Variants in WDR27 observed in about 807,000 individuals in gnomAD.
WDR27 encodes WD repeat-containing protein 27.
In WDR27, 100 loss-of-function variants were observed where a neutral mutation model predicts 114.4. The observed-to-expected ratio is 0.87, with a 90% confidence interval of 0.74 to 1.03. WDR27 has a LOEUF of 1.03. WDR27 is among the 50% of genes least tolerant of loss of function. The pLI is 0.00. For synonymous variants in WDR27, 449 were observed against 423.1 expected, an observed-to-expected ratio of 1.06 and a Z score of -0.75; for missense variants, 1,129 against 1,092.9, an observed-to-expected ratio of 1.03 and a Z score of -0.47.
intron 2 of WDR27, among the ~76,000 whole-genome samples, chr6:169,687,387 GAA>G (rs899661903): frequency 2.0e-4 from 31 of 151,768 alleles, no homozygotes; most frequent in African/African-American, 7.2e-4. Context: ...CAAATCAATA[GAA>G]AAAAGACAGA....
chr6:169,512,815 C>T (rs924650472), intron 25 of WDR27, among the ~76,000 whole-genome samples: 1 of 152,080 alleles, frequency 6.6e-6, no homozygotes, highest in African/African-American at 2.4e-5. Context: ...AAAAATAGTT[C>T]ATGGCTAGTA....
chr6:169,651,363 G>C (rs562379542), intron 14 of WDR27, among the ~76,000 whole-genome samples: 1 of 152,024 alleles, frequency 6.6e-6, no homozygotes, highest in Admixed American at 6.6e-5. Context: ...GGTAGGAGGC[G>C]GGGGATATGT....
rs751889898 is a variant in WDR27 at position 169,633,037 on chromosome 6, G to A, written c.2133C>T (p.Thr711=). Residue 711 remains threonine (T), a synonymous_variant, in exon 21 of 26, where the codon ACC becomes ACT. Coordinates refer to ENST00000448612, the MANE Select transcript of WDR27 (RefSeq NM_182552.5). The part of the protein sequence containing the change: ...HIVLAAGRNR[T]VEVFDLNAGC... ...CGGCGTTGAGGTCAAACACTTCCAC[G>A]GTCCTGTTCCGGCCAGCTGCGAGTA... is the stretch of plus-strand genomic sequence containing the variant. The A allele has an allele frequency of 1.3e-5, 20 of 1,591,966 alleles. No homozygotes were observed. Among genetic ancestry groups the A allele is most frequent in the South Asian group, 5.6e-5 (5 of 89,828 alleles).
chr6:169,464,670 T>C (rs1376333975), intron 25 of WDR27, among the ~76,000 whole-genome samples: 2 of 152,208 alleles, frequency 1.3e-5, no homozygotes, highest in Non-Finnish European at 2.9e-5. Flanking sequence ...TACTCTCCAC[T>C]TCTAACAAGG....
intron 25 of WDR27, among the ~76,000 whole-genome samples, chr6:169,491,666 A>G (rs1189466720): frequency 2.0e-5 from 3 of 152,164 alleles, no homozygotes; most frequent in African/African-American, 7.2e-5. Context: ...ACATTCCACG[A>G]AAGACCAGAA....
intron 24 of WDR27, among the ~76,000 whole-genome samples, chr6:169,578,344 T>C (rs1322372675): frequency 2.0e-5 from 3 of 152,196 alleles, no homozygotes; most frequent in African/African-American, 7.2e-5. Flanking sequence ...AGTCCTCTTA[T>C]GAATGTGAGA....
chr6:169,526,788 A>C (rs1297460869), intron 25 of WDR27, among the ~76,000 whole-genome samples: 1 of 152,216 alleles, frequency 6.6e-6, no homozygotes, highest in Non-Finnish European at 1.5e-5. Flanking sequence ...AGAATAAATA[A>C]AGAATGATTA....
chr6:169,429,550 C>T, the WDR27 span, among the ~76,000 whole-genome samples: 2 of 151,892 alleles, frequency 1.3e-5, no homozygotes, highest in Admixed American at 6.6e-5. Context: ...ACTTCAAGAC[C>T]TCACATTACT....
At chr6:169,442,874 C>T in the WDR27 span, among the ~76,000 whole-genome samples, 3 of 152,190 alleles carry the variant, frequency 2.0e-5, no homozygotes, top group Admixed American at 2.0e-4. Context: ...GCCACCACCA[C>T]CCCCACACAT....
intron 2 of WDR27, among the ~76,000 whole-genome samples, chr6:169,687,007 A>G (rs570654464): frequency 6.6e-6 from 1 of 152,258 alleles, no homozygotes; most frequent in African/African-American, 2.4e-5. Context: ...GGGAGAGTGA[A>G]AAGAAGTGAG....
rs1031043985 is a variant in WDR27, at chr6:169,659,906, G to C, written c.1130-388C>G. On this transcript the variant is annotated intron_variant, in intron 10 of 25. Transcript: ENST00000448612. This position sits in a 1 kb window ranked among gnomAD's most constrained non-coding sequence, Gnocchi z 4.3. Reference sequence around the variant, plus strand: ...AAGGCTGAGTTTTCAAGGAGAAGCTGCGCCTGGCTGAGCTGGGGAGGGGCA... The same window carrying C: ...AAGGCTGAGTTTTCAAGGAGAAGCTCCGCCTGGCTGAGCTGGGGAGGGGCA... Among the ~76,000 whole-genome samples, 5 of 151,962 alleles carry C rather than the reference G, an allele frequency of 3.3e-5. No homozygotes were observed.
intron 25 of WDR27, among the ~76,000 whole-genome samples, chr6:169,516,462 CTCCTCCAGG>C (rs1222113897): frequency 6.6e-5 from 10 of 152,126 alleles, no homozygotes; most frequent in African/African-American, 7.2e-5. Context: ...TCCTCCAGAA[CTCCTCCAGG>C]GGGGCTAATT....
chr6:169,531,977 G>A (rs1795662918), intron 25 of WDR27, among the ~76,000 whole-genome samples: 2 of 152,102 alleles, frequency 1.3e-5, no homozygotes, highest in South Asian at 4.2e-4. Context: ...CAGTGGCAAA[G>A]GCAGATCTTG....
chr6:169,552,846 A>AAAT (rs1215902287), intron 25 of WDR27, among the ~76,000 whole-genome samples: 1 of 152,258 alleles, frequency 6.6e-6, no homozygotes, highest in Non-Finnish European at 1.5e-5. Flanking sequence ...GTTGAGGCTA[A>AAAT]AATAATCATC....
At chr6:169,688,779 AG>A in intron 2 of WDR27, 37 bp downstream of exon 2, 1 of 1,511,224 alleles carries the variant, frequency 6.6e-7, no homozygotes, top group Non-Finnish European at 8.9e-7. Flanking sequence ...GACAAGGGCA[AG>A]GCCTTCATGA....
the WDR27 span, among the ~76,000 whole-genome samples, chr6:169,431,568 G>A: frequency 6.6e-6 from 1 of 152,142 alleles, no homozygotes; most frequent in Non-Finnish European, 1.5e-5. Flanking sequence ...TCCTGTTTAT[G>A]AGGGATTTTT....
At chr6:169,587,324 T>A (rs1804855448) in intron 23 of WDR27, among the ~76,000 whole-genome samples, 1 of 150,908 alleles carries the variant, frequency 6.6e-6, no homozygotes, top group Non-Finnish European at 1.5e-5. Flanking sequence ...GCTCAAGCGA[T>A]TCTCCTGCCT....
At chr6:169,582,534 A>C (rs1562627231) in intron 24 of WDR27, among the ~76,000 whole-genome samples, 1 of 152,074 alleles carries the variant, frequency 6.6e-6, no homozygotes, top group Non-Finnish European at 1.5e-5. Context: ...ATGTAACCGT[A>C]TTTGTCCACA....
chr6:169,500,651 A>G (rs1791065473), intron 25 of WDR27, among the ~76,000 whole-genome samples: 1 of 152,140 alleles, frequency 6.6e-6, no homozygotes, highest in Non-Finnish European at 1.5e-5. Flanking sequence ...TCCGGGAGGT[A>G]TGGCTGCCCA....
Sources: allele counts gnomAD v4.1 joint callset (sites outside exome capture counted in the v4.1 genomes callset), GRCh38; gene constraint gnomAD v4.1.1; non-coding constraint Gnocchi (gnomAD v3.1); transcripts MANE v1.5; gene names NCBI Gene and HGNC (gene_info 2026-07-23, HGNC 2026-07-21).